TTC27: variants seen among roughly 807,000 people sequenced by gnomAD.
TTC27 encodes tetratricopeptide repeat domain 27.
A neutral mutation model predicts 115.9 loss-of-function variants in TTC27; 79 were observed. That is an observed-to-expected ratio of 0.68 (90% CI 0.57 to 0.82). The LOEUF (loss-of-function observed/expected upper bound fraction) is 0.82. Among genes scored for constraint, TTC27 ranks in the 40% least tolerant of loss-of-function variants. TTC27 has a pLI of 0.00. For missense variants in TTC27, 1,054 were observed against 993.1 expected (o/e 1.06, Z -0.82); for synonymous variants, 401 against 356.0 (o/e 1.13, Z -1.42).
At chr2:32,813,482 C>T (rs1289442979) in intron 18 of TTC27, among the ~76,000 whole-genome samples, 2 of 152,180 alleles carry the variant, frequency 1.3e-5, no homozygotes, top group Non-Finnish European at 2.9e-5. Flanking sequence ...CTTCTCTGAG[C>T]CTTACTTTCC....
At chr2:32,645,569 T>C (rs1480781193) in intron 4 of TTC27, among the ~76,000 whole-genome samples, 1 of 152,154 alleles carries the variant, frequency 6.6e-6, no homozygotes, top group Non-Finnish European at 1.5e-5. Flanking sequence ...ATTATTATGC[T>C]TTAAGTTTTA....
At chr2:32,758,271 C>T (rs757182045) in intron 12 of TTC27, 21 bp from the exon 13 acceptor site, 1 of 1,606,384 alleles carries the variant, frequency 6.2e-7, no homozygotes, top group East Asian at 2.2e-5. Context: ...TAAGCAATTT[C>T]ATTATTTCTG....
chr2:32,709,565 A>G (rs190113669), intron 10 of TTC27, among the ~76,000 whole-genome samples: 2 of 152,340 alleles, frequency 1.3e-5, no homozygotes, highest in Admixed American at 1.3e-4. Flanking sequence ...GCAGAAGAAA[A>G]TGTCAATCCG....
intron 13 of TTC27, among the ~76,000 whole-genome samples, chr2:32,768,370 G>A (rs192889541): frequency 1.1e-4 from 17 of 152,220 alleles, no homozygotes; most frequent in Non-Finnish European, 2.1e-4. Flanking sequence ...TATTTAAACC[G>A]TGTAATTTAA....
chr2:32,692,047 T>G (rs1320181973), intron 9 of TTC27, among the ~76,000 whole-genome samples: 2 of 120,848 alleles, frequency 1.7e-5, no homozygotes, highest in East Asian at 2.4e-4. Flanking sequence ...TTTTTTTTTT[T>G]TTTTTTTTTT....
intron 8 of TTC27, among the ~76,000 whole-genome samples, chr2:32,675,131 CGTT>C (rs1230444784): frequency 6.6e-6 from 1 of 152,140 alleles, no homozygotes; most frequent in African/African-American, 2.4e-5. Context: ...CAACACCAAG[CGTT>C]GTTATTTTTC....
chr2:32,732,296 C>A (rs1668317086), intron 10 of TTC27, among the ~76,000 whole-genome samples: 1 of 152,126 alleles, frequency 6.6e-6, no homozygotes, highest in Admixed American at 6.5e-5. Flanking sequence ...ATATTTTGAC[C>A]AAGATGGTTT....
chr2:32,820,855 G>A lies in TTC27; in HGVS notation c.2449G>A (p.Glu817Lys). The A allele has an allele frequency of 6.5e-7, 1 of 1,543,642 alleles. No homozygotes were observed. The highest frequency in any genetic ancestry group is 8.8e-7 in the Non-Finnish European group (1 of 1,141,720). The change falls in exon 20 of 20, where the codon GAA (glutamate) becomes AAA (lysine). Residue 817 changes from glutamate to lysine, a missense_variant. Coordinates refer to ENST00000317907, the MANE Select transcript of TTC27 (RefSeq NM_017735.5). Reference protein sequence around the residue: ...TDVATGEMSRELADDITAMDT... With the variant: ...TDVATGEMSRKLADDITAMDT... ...TGTGGCAACTGGAGAAATGTCCAGG[G>A]AATTAGCTGATGACATAACAGCTAT...
At chr2:32,743,830 G>T (rs1340039625) in intron 12 of TTC27, among the ~76,000 whole-genome samples, 1 of 152,164 alleles carries the variant, frequency 6.6e-6, no homozygotes, top group East Asian at 1.9e-4. Flanking sequence ...TAGTCATGTA[G>T]TGATACTCAG....
chr2:32,679,504 A>G (rs1572508322), intron 9 of TTC27, among the ~76,000 whole-genome samples: 1 of 152,250 alleles, frequency 6.6e-6, no homozygotes, highest in Admixed American at 6.5e-5. Flanking sequence ...CGAAGGGGTC[A>G]GTCAGTATAT....
chr2:32,728,037 C>CTT lies in TTC27; in HGVS notation c.1234-5770_1234-5769dup, dbSNP rs564322443. Among the ~76,000 whole-genome samples, 569 of 105,292 alleles carry CTT rather than the reference C, an allele frequency of 5.4e-3. 2 individuals carry two copies. The highest frequency in any genetic ancestry group is 0.011 in the African/African-American group (317 of 29,750). 69.1% of individuals were successfully genotyped at this position (105,292 alleles called of 152,430 possible). ...TCTGGGCCTCCTGAGAGGACTGCCTCTTTTTTTTTTTTTTTTTTTTTTGGA... is the reference window on the plus strand; with the variant it reads ...TCTGGGCCTCCTGAGAGGACTGCCTCTTTTTTTTTTTTTTTTTTTTTTTTGGA... On this transcript the variant is annotated intron_variant, in intron 10 of 19. Coordinates refer to ENST00000317907, the MANE Select transcript of TTC27 (RefSeq NM_017735.5).
At chr2:32,800,064 G>A (rs942737364) in intron 16 of TTC27, among the ~76,000 whole-genome samples, 9 of 152,208 alleles carry the variant, frequency 5.9e-5, no homozygotes, top group African/African-American at 1.4e-4. Context: ...GGATGATAGC[G>A]ATACCTGCCT....
chr2:32,628,660 C>T (rs182737364), intron 1 of TTC27, among the ~76,000 whole-genome samples: 1 of 152,230 alleles, frequency 6.6e-6, no homozygotes, highest in African/African-American at 2.4e-5. Flanking sequence ...ATAGTAGATA[C>T]TTAAGGTAGA....
chr2:32,820,754 CTATTT>C, intron 19 of TTC27, 57 bp from the exon 20 acceptor site: 1 of 1,433,772 alleles, frequency 7.0e-7, no homozygotes. Context: ...TACTCTGTAT[CTATTT>C]TATTTTAAAG....
intron 3 of TTC27, among the ~76,000 whole-genome samples, chr2:32,636,844 G>A (rs1445673398): frequency 5.9e-5 from 9 of 152,308 alleles, no homozygotes; most frequent in African/African-American, 2.2e-4. Context: ...AGAACCTGAA[G>A]GATGGTTAGA....
intron 12 of TTC27, among the ~76,000 whole-genome samples, chr2:32,743,606 C>T (rs554421305): frequency 1.3e-5 from 2 of 152,320 alleles, no homozygotes; most frequent in East Asian, 3.9e-4. Context: ...CAACACTGGA[C>T]TGTTCTATCG....
intron 10 of TTC27, among the ~76,000 whole-genome samples, chr2:32,710,834 C>A (rs1264550127): frequency 6.6e-6 from 1 of 151,872 alleles, no homozygotes; most frequent in Non-Finnish European, 1.5e-5. Flanking sequence ...TAAAAGAAGG[C>A]TGGGAGCAGT....
intron 12 of TTC27, among the ~76,000 whole-genome samples, chr2:32,748,309 C>G (rs1172127873): frequency 6.6e-6 from 1 of 152,122 alleles, no homozygotes; most frequent in Non-Finnish European, 1.5e-5. Flanking sequence ...CTTTCTATGA[C>G]TTCAGTCTTT....
At chr2:32,641,502 C>G in intron 4 of TTC27, among the ~76,000 whole-genome samples, 1 of 152,224 alleles carries the variant, frequency 6.6e-6, no homozygotes, top group Non-Finnish European at 1.5e-5. Context: ...AGTTCTTGGA[C>G]TATACGGAAA....
Sources: gnomAD v4.1 joint callset for allele counts (sites outside exome capture counted in the v4.1 genomes callset) on GRCh38, gnomAD v4.1.1 for gene constraint, MANE v1.5 for transcripts, NCBI Gene and HGNC (gene_info 2026-07-23, HGNC 2026-07-21) for gene names.